NPAS3: variants seen among roughly 807,000 people sequenced by gnomAD.
The protein encoded by NPAS3 is neuronal PAS domain-containing protein 3.
A neutral mutation model predicts 73.1 loss-of-function variants in NPAS3; 14 were observed. That is an observed-to-expected ratio of 0.19 (90% CI 0.13 to 0.30). The LOEUF (loss-of-function observed/expected upper bound fraction) is 0.30. Among genes scored for constraint, NPAS3 ranks in the 10% least tolerant of loss-of-function variants. The pLI is 1.00. For missense variants in NPAS3, 1,096 were observed against 1,250.0 expected, an observed-to-expected ratio of 0.88 and a Z score of 1.86; for synonymous variants, 620 against 541.5, an observed-to-expected ratio of 1.14 and a Z score of -2.01.
chr14:33,011,153 TGTG>T (rs768375006), intron 1 of NPAS3, among the ~76,000 whole-genome samples: 12 of 152,230 alleles, frequency 7.9e-5, no homozygotes, highest in African/African-American at 2.7e-4. Context: ...CAATAACTGA[TGTG>T]GTGGCACACT....
At chr14:33,696,306 G>A (rs780003719) in intron 6 of NPAS3, among the ~76,000 whole-genome samples, 9 of 152,220 alleles carry the variant, frequency 5.9e-5, no homozygotes, top group Middle Eastern at 3.4e-3. Flanking sequence ...AAAGTAACCC[G>A]TATTCTACTC....
chr14:33,539,977 G>C (rs1024158393), intron 4 of NPAS3, among the ~76,000 whole-genome samples: 1 of 152,098 alleles, frequency 6.6e-6, no homozygotes, highest in Non-Finnish European at 1.5e-5. Flanking sequence ...GGCTGACCAC[G>C]AATGCATCCT....
chr14:33,462,658 A>T (rs946912981), intron 4 of NPAS3, among the ~76,000 whole-genome samples: 2 of 152,162 alleles, frequency 1.3e-5, no homozygotes, highest in Non-Finnish European at 2.9e-5. Flanking sequence ...AGCATAACAC[A>T]CATATGCCAA....
chr14:33,754,863 A>G (rs1373698649), intron 7 of NPAS3, among the ~76,000 whole-genome samples: 1 of 152,168 alleles, frequency 6.6e-6, no homozygotes, highest in Non-Finnish European at 1.5e-5. Flanking sequence ...AAGCATCTAC[A>G]TTTCTCGCTG....
chr14:33,107,313 T>C (rs2138933109), intron 2 of NPAS3, among the ~76,000 whole-genome samples: 1 of 152,280 alleles, frequency 6.6e-6, no homozygotes, highest in East Asian at 1.9e-4. Flanking sequence ...GTATATTGCG[T>C]GATGCTGAGG....
chr14:33,679,811 C>T (rs759854684), intron 6 of NPAS3, among the ~76,000 whole-genome samples: 4 of 152,164 alleles, frequency 2.6e-5, no homozygotes, highest in Admixed American at 6.5e-5. Flanking sequence ...ATTGTCTTGT[C>T]CTGACTCAGC....
At chr14:33,706,898 A>G (rs187315390) in intron 6 of NPAS3, among the ~76,000 whole-genome samples, 189 of 152,334 alleles carry the variant, frequency 1.2e-3, no homozygotes, top group African/African-American at 4.1e-3. Context: ...TGCCTGGGAC[A>G]AAAACGCTCC....
At position 33,452,774 on chromosome 14, in the gene NPAS3, C is replaced by CAAAAAAAAA. The variant is rs61640170; in HGVS notation, c.468+85523_468+85531dup. Among the ~76,000 whole-genome samples, 60 of 53,832 alleles carry CAAAAAAAAA rather than the reference C, an allele frequency of 1.1e-3. 8 individuals are homozygous for CAAAAAAAAA. The highest frequency in any genetic ancestry group is 4.3e-3 in the African/African-American group (56 of 12,874). The allele number at this position is 53,832 out of a possible 152,430, so 35.3% of individuals were successfully genotyped here. A position where few individuals can be genotyped will look rare whatever the true frequency, so the allele number is the denominator to read the frequency against. On this transcript the variant is annotated intron_variant, in intron 4 of 11. Coordinates refer to ENST00000356141, the Ensembl canonical transcript of NPAS3. ...TGGGCGACAGAGTTAGACTCTGTCT[C>CAAAAAAAAA]AAAAAAAAAAAAAAAAAAAAAAAAA...
chr14:33,612,953 A>G lies in NPAS3; in HGVS notation c.558+52743A>G, dbSNP rs1453982799. On this transcript the variant is annotated intron_variant, in intron 5 of 11. Coordinates refer to ENST00000356141, the Ensembl canonical transcript of NPAS3. The stretch of plus-strand genomic sequence containing the variant: ...TAAAAGGGGTAGAAAAATTCCATCA[A>G]CCAAAAAAAGAAAAAGAAAAAAGCA... 5.3e-5 allele frequency among the ~76,000 whole-genome samples: 8 copies of G among 152,350 alleles called. No individual in the cohort carries two copies. In the East Asian group the frequency reaches 1.5e-3, roughly 29 times the overall value.
At chr14:33,711,941 T>C (rs1409558503) in intron 6 of NPAS3, among the ~76,000 whole-genome samples, 1 of 152,048 alleles carries the variant, frequency 6.6e-6, no homozygotes, top group South Asian at 2.1e-4. Context: ...TTCTACCCCG[T>C]TGGGCAGAGA....
intron 11 of NPAS3, 50 bp downstream of exon 11, chr14:33,797,631 G>A (rs763477261): frequency 1.1e-4 from 172 of 1,597,542 alleles, no homozygotes; most frequent in South Asian, 2.4e-4. Context: ...CCCACCACGC[G>A]CAGGGGGTGG....
At chr14:33,239,164 G>A (rs574756176) in intron 3 of NPAS3, among the ~76,000 whole-genome samples, 2 of 151,928 alleles carry the variant, frequency 1.3e-5, no homozygotes, top group Admixed American at 1.3e-4. Flanking sequence ...GAGGTAAGAG[G>A]ACTTCTCAGT....
At chr14:33,156,383 G>A (rs2044648802) in intron 2 of NPAS3, among the ~76,000 whole-genome samples, 1 of 152,106 alleles carries the variant, frequency 6.6e-6, no homozygotes, top group African/African-American at 2.4e-5. Flanking sequence ...CATTAAGTTT[G>A]CTAAAGCTTT....
At chr14:33,676,555 G>C (rs368251535) in intron 6 of NPAS3, among the ~76,000 whole-genome samples, 170 bp downstream of exon 6, 24 of 152,306 alleles carry the variant, frequency 1.6e-4, no homozygotes, top group East Asian at 1.4e-3. Context: ...TGAAAATAAG[G>C]AGACATTTTA....
At chr14:33,542,248 C>T (rs969582097) in intron 4 of NPAS3, among the ~76,000 whole-genome samples, 1 of 152,214 alleles carries the variant, frequency 6.6e-6, no homozygotes, top group Non-Finnish European at 1.5e-5. Flanking sequence ...TCAAGCCATA[C>T]TCGCCAGCAG....
chr14:33,749,754 G>A (rs1296759037), intron 7 of NPAS3, among the ~76,000 whole-genome samples: 2 of 152,108 alleles, frequency 1.3e-5, no homozygotes, highest in African/African-American at 4.8e-5. Flanking sequence ...CCCTGAAGTA[G>A]ACACAGATTG....
At chr14:33,025,366 C>T (rs937173303) in intron 1 of NPAS3, among the ~76,000 whole-genome samples, 10 of 152,154 alleles carry the variant, frequency 6.6e-5, no homozygotes, top group African/African-American at 2.2e-4. Flanking sequence ...ATATATAATA[C>T]ACATAACACA....
chr14:33,686,048 C>T (rs1225000116), intron 6 of NPAS3, among the ~76,000 whole-genome samples: 5 of 152,208 alleles, frequency 3.3e-5, no homozygotes, highest in Admixed American at 6.5e-5. Flanking sequence ...GATAGTGCTG[C>T]TATCCTCAAT....
chr14:33,075,928 CTA>C (rs1318535421), intron 2 of NPAS3, among the ~76,000 whole-genome samples: 1 of 152,032 alleles, frequency 6.6e-6, no homozygotes, highest in Non-Finnish European at 1.5e-5. Flanking sequence ...ATTCTCAATT[CTA>C]TGTGTCTGTT....
Sources: allele counts gnomAD v4.1 joint callset (sites outside exome capture counted in the v4.1 genomes callset), GRCh38; gene constraint gnomAD v4.1.1; transcripts MANE v1.5; gene names NCBI Gene and HGNC (gene_info 2026-07-23, HGNC 2026-07-21).